Variants in ANKFN1 observed in about 807,000 individuals in gnomAD.
ANKFN1 encodes the protein ankyrin repeat and fibronectin type-III domain-containing protein 1.
In ANKFN1, 74 loss-of-function variants were observed where a neutral mutation model predicts 108.7. The ratio of observed to expected loss-of-function variants is 0.68; its 90% CI spans 0.56 to 0.83. The LOEUF is 0.83. Among genes scored for constraint, ANKFN1 ranks in the 40% least tolerant of loss-of-function variants. The probability of loss-of-function intolerance (pLI) is 0.00; values close to 1 mark genes in which losing one functional copy is unlikely to be tolerated. For missense variants in ANKFN1, 1,505 were observed against 1,382.3 expected, an observed-to-expected ratio of 1.09 and a Z score of -1.41; for synonymous variants, 547 against 516.2, an observed-to-expected ratio of 1.06 and a Z score of -0.81.
chr17:56,064,891 C>T (rs1905036249), intron 4 of ANKFN1, among the ~76,000 whole-genome samples: 1 of 152,160 alleles, frequency 6.6e-6, no homozygotes, highest in South Asian at 2.1e-4. Flanking sequence ...GTGGGTCGCA[C>T]AATTCTGTGG....
intron 3 of ANKFN1, among the ~76,000 whole-genome samples, chr17:56,312,501 T>G (rs2045059475): frequency 2.0e-5 from 3 of 152,176 alleles, no homozygotes; most frequent in Admixed American, 2.0e-4. Context: ...TACTTCCCAC[T>G]TTCTCGGAGC....
rs1450399764 is a variant in ANKFN1, at chr17:56,514,556, C to T, written c.*3287C>T. Among the ~76,000 whole-genome samples, 1 of 152,066 alleles carries T rather than the reference C, an allele frequency of 6.6e-6. No homozygotes were observed. Among genetic ancestry groups the T allele is most frequent in the African/African-American group, 2.4e-5 (1 of 41,388 alleles). ...AACATCCTCTTAATTGGCGAGGGTG[C>T]CTGGGAGACAGTAATTAAAAACATT... On this transcript the variant is annotated 3_prime_UTR_variant, in exon 21 of 21. Transcript: ENST00000682825.
chr17:56,288,055 A>G (rs970085365), intron 3 of ANKFN1, among the ~76,000 whole-genome samples: 2 of 147,540 alleles, frequency 1.4e-5, no homozygotes, highest in Non-Finnish European at 3.0e-5. Context: ...AAGGCCCTGC[A>G]TTTTTTTTTT....
At chr17:56,071,842 C>T (rs138997632) in intron 4 of ANKFN1, among the ~76,000 whole-genome samples, 451 of 152,298 alleles carry the variant, frequency 3.0e-3, no homozygotes, top group African/African-American at 0.01. Flanking sequence ...GTGACTTTCA[C>T]CACCTTTTAT....
chr17:56,206,534 G>C (rs549632838), intron 1 of ANKFN1: 1 of 152,148 alleles, frequency 6.6e-6, no homozygotes, highest in African/African-American at 2.4e-5. Flanking sequence ...GGAAAGTACC[G>C]GGCCCACACT....
chr17:56,153,946 T>C (rs140555790), intron 1 of ANKFN1, among the ~76,000 whole-genome samples: 1 of 152,212 alleles, frequency 6.6e-6, no homozygotes, highest in African/African-American at 2.4e-5. Context: ...CCCACATGGA[T>C]TCTCTCCTTC....
intron 3 of ANKFN1, chr17:56,245,872 A>G (rs1917920273): frequency 6.6e-6 from 1 of 152,068 alleles, no homozygotes; most frequent in South Asian, 2.1e-4. Flanking sequence ...GACTCTTTTA[A>G]TAGGAGAGCT....
intron 4 of ANKFN1, among the ~76,000 whole-genome samples, chr17:56,133,786 GTTTTT>G (rs11421223): frequency 6.7e-6 from 1 of 148,864 alleles, no homozygotes; most frequent in Non-Finnish European, 1.5e-5. Flanking sequence ...AATCCAAAGT[GTTTTT>G]TTTTTCCACT....
intron 4 of ANKFN1, among the ~76,000 whole-genome samples, chr17:56,056,793 C>G (rs748556490): frequency 8.5e-5 from 13 of 152,180 alleles, no homozygotes; most frequent in Non-Finnish European, 1.6e-4. Flanking sequence ...ACTCCAAAAG[C>G]AAATGCAACA....
chr17:56,224,572 G>C (rs1916120741), intron 2 of ANKFN1: 1 of 152,158 alleles, frequency 6.6e-6, no homozygotes, highest in Non-Finnish European at 1.5e-5. Context: ...AAGCCAGATA[G>C]CCTAATCAGC....
At chr17:56,207,162 T>C (rs1914611060) in intron 1 of ANKFN1, among the ~76,000 whole-genome samples, 1 of 152,208 alleles carries the variant, frequency 6.6e-6, no homozygotes. Flanking sequence ...TACACTGGAA[T>C]TCTGTAGACT....
rs542145919 is a variant in ANKFN1, at chr17:56,170,729, C to T, written c.-71+17199C>T. Among the ~76,000 whole-genome samples the T allele has an allele frequency of 4.8e-4, 70 of 146,482 alleles. 1 individual carries two copies. Among genetic ancestry groups the T allele is most frequent in the Admixed American group, 3.0e-3 (44 of 14,606 alleles). On this transcript the variant is annotated intron_variant, in intron 1 of 20. Coordinates refer to ENST00000682825, the MANE Select transcript of ANKFN1 (RefSeq NM_001370326.1). ...AGTGAGCCAAAATCACACCACTGCA[C>T]TCCACCCTGGGCTACAGGGTGAGAC... is the stretch of plus-strand genomic sequence containing the variant.
intron 8 of ANKFN1, among the ~76,000 whole-genome samples, chr17:56,414,257 A>G (rs2048176856): frequency 6.6e-6 from 1 of 152,198 alleles, no homozygotes; most frequent in Admixed American, 6.5e-5. Context: ...TAGCTTCAAT[A>G]GGAATGGTGC....
intron 8 of ANKFN1, among the ~76,000 whole-genome samples, chr17:56,433,711 C>T (rs985059608): frequency 1.3e-5 from 2 of 151,948 alleles, no homozygotes; most frequent in South Asian, 4.2e-4. Flanking sequence ...GATAAAAGAC[C>T]ACAAATAGGG....
intron 8 of ANKFN1, among the ~76,000 whole-genome samples, chr17:56,438,526 A>G (rs1442246195): frequency 6.6e-6 from 1 of 152,182 alleles, no homozygotes; most frequent in Non-Finnish European, 1.5e-5. Context: ...AAAATCATTC[A>G]ATCTTCATTT....
chr17:56,323,045 T>C (rs1428811178), intron 3 of ANKFN1, among the ~76,000 whole-genome samples: 1 of 152,172 alleles, frequency 6.6e-6, no homozygotes, highest in African/African-American at 2.4e-5. Flanking sequence ...TAAAACACAA[T>C]CCTTGTATTT....
At chr17:56,387,673 C>T (rs1466882888) in intron 8 of ANKFN1, among the ~76,000 whole-genome samples, 1 of 151,912 alleles carries the variant, frequency 6.6e-6, no homozygotes, top group Non-Finnish European at 1.5e-5. Context: ...GTTTAAGTAC[C>T]CTGGTTTTTT....
chr17:56,351,183 T>C (rs528114187), intron 5 of ANKFN1, among the ~76,000 whole-genome samples: 1 of 152,212 alleles, frequency 6.6e-6, no homozygotes, highest in African/African-American at 2.4e-5. Flanking sequence ...TTTGTTTCTT[T>C]TTCTTCTCTC....
At chr17:56,089,307 T>C (rs1000561430) in intron 4 of ANKFN1, among the ~76,000 whole-genome samples, 1 of 151,442 alleles carries the variant, frequency 6.6e-6, no homozygotes, top group Non-Finnish European at 1.5e-5. Context: ...CTAATTTTCC[T>C]ATTGATGAAC....
Sources: gnomAD v4.1 joint callset for allele counts (sites outside exome capture counted in the v4.1 genomes callset) on GRCh38, gnomAD v4.1.1 for gene constraint, MANE v1.5 for transcripts, NCBI Gene and HGNC (gene_info 2026-07-23, HGNC 2026-07-21) for gene names.